TMEM44: variants seen among roughly 807,000 people sequenced by gnomAD.
The protein encoded by TMEM44 is transmembrane protein 44.
Under a neutral mutation model 47.8 loss-of-function variants are expected in TMEM44, and 43 were observed. The observed-to-expected ratio is 0.90, with a 90% CI of 0.70 to 1.16. The LOEUF (loss-of-function observed/expected upper bound fraction) is 1.16, where lower values mean the gene tolerates loss of function less well. Among genes scored for constraint, TMEM44 ranks in the 50% most tolerant of loss-of-function variants. The pLI, the probability that TMEM44 is intolerant of heterozygous loss-of-function variation, is 0.00. For synonymous variants in TMEM44, 277 were observed against 238.8 expected, an observed-to-expected ratio of 1.16 and a Z score of -1.48; for missense variants, 568 against 555.2, an observed-to-expected ratio of 1.02 and a Z score of -0.23.
chr3:194,630,724 C>G (rs1717714112), intron 1 of TMEM44, among the ~76,000 whole-genome samples: 1 of 148,184 alleles, frequency 6.7e-6, no homozygotes, highest in African/African-American at 2.5e-5. Flanking sequence ...GCTGTCGTAC[C>G]TGCCTCCCGA....
intron 7 of TMEM44, among the ~76,000 whole-genome samples, chr3:194,612,708 A>T (rs1412580072): frequency 6.6e-6 from 1 of 152,058 alleles, no homozygotes; most frequent in African/African-American, 2.4e-5. Context: ...TCTGTCGCCC[A>T]GGCTGGAGTG....
In TMEM44 at chr3:194,606,665, C is replaced by T. The variant is rs146899925; in HGVS notation, c.1018-2220G>A. 3.2e-3 allele frequency among the ~76,000 whole-genome samples: 492 copies of T among 152,262 alleles called. 2 individuals carry two copies. The highest frequency in any genetic ancestry group is 0.011 in the African/African-American group (472 of 41,544). ...ATAATAATAATAGATACAGGCCAGG[C>T]ACGGTGGCTCACACCTGTAATCCCA... On this transcript the variant is annotated intron_variant, in intron 8 of 9. Coordinates refer to ENST00000347147, the MANE Select transcript of TMEM44 (RefSeq NM_001011655.3).
chr3:194,604,226 C>T (rs1714495963), intron 9 of TMEM44, 61 bp downstream of exon 9: 4 of 1,545,904 alleles, frequency 2.6e-6, no homozygotes, highest in Non-Finnish European at 3.5e-6. Flanking sequence ...CAAGGAGCAC[C>T]CAGCAAGTGT....
chr3:194,628,709 G>C (rs1717444970), intron 1 of TMEM44, among the ~76,000 whole-genome samples, 200 bp from the exon 2 acceptor site: 1 of 152,192 alleles, frequency 6.6e-6, no homozygotes, highest in South Asian at 2.1e-4. Flanking sequence ...GCCCATGGCA[G>C]GAGCTAGACC....
intron 2 of TMEM44, among the ~76,000 whole-genome samples, chr3:194,626,832 T>C (rs942330000): frequency 4.0e-5 from 6 of 151,646 alleles, no homozygotes; most frequent in African/African-American, 1.5e-4. Flanking sequence ...TTCAGGCGCC[T>C]GCCACCACGC....
chr3:194,616,954 T>C (rs1715964075), intron 6 of TMEM44, 145 bp downstream of exon 6: 1 of 868,750 alleles, frequency 1.2e-6, no homozygotes, highest in Non-Finnish European at 1.7e-6. Flanking sequence ...TGTGTTTGCC[T>C]GCCCCAAGCT....
intron 9 of TMEM44, among the ~76,000 whole-genome samples, chr3:194,591,136 G>A (rs1344516106): frequency 6.6e-6 from 1 of 152,148 alleles, no homozygotes; most frequent in Admixed American, 6.6e-5. Context: ...AGAGGTTGCA[G>A]TGAGCTGAGA....
Position 194,610,938 on chromosome 3 carries a change from A to G in TMEM44, c.995T>C (p.Leu332Pro), listed in dbSNP as rs1364077194. Residue 332 changes from leucine (L) to proline (P), a missense_variant, in exon 8 of 10, where the codon CTG (leucine) becomes CCG (proline). Leu to Pro is a moderately conservative substitution (Grantham distance 98). Transcript: ENST00000347147. Reference protein sequence around the residue: ...TMTAISRYMELTIEPVQQAGC... With the variant: ...TMTAISRYMEPTIEPVQQAGC... ...CACCTGCTGCACAGGCTCGATGGTC[A>G]GCTCCATGTAGCGACTGATTGCTGT... 5.0e-6 allele frequency: 8 copies of G among 1,613,768 alleles called. No individual in the cohort carries two copies. Among genetic ancestry groups the G allele is most frequent in the Non-Finnish European group, 6.8e-6 (8 of 1,179,900 alleles).
intron 9 of TMEM44, among the ~76,000 whole-genome samples, chr3:194,591,261 G>A (rs1712660762): frequency 6.6e-6 from 1 of 152,022 alleles, no homozygotes; most frequent in African/African-American, 2.4e-5. Flanking sequence ...GGGAGGCTGA[G>A]GCGGGTGGAT....
intron 9 of TMEM44, 110 bp from the exon 10 acceptor site, chr3:194,588,749 C>G: frequency 1.8e-6 from 2 of 1,081,816 alleles, no homozygotes; most frequent in South Asian, 2.7e-5. Flanking sequence ...ATGATCCAGG[C>G]ACAGACAAGG....
intron 1 of TMEM44, among the ~76,000 whole-genome samples, 179 bp from the exon 2 acceptor site, chr3:194,628,688 C>T (rs766864656): frequency 1.3e-5 from 2 of 152,172 alleles, no homozygotes; most frequent in African/African-American, 4.8e-5. Context: ...TCCAGAGCCG[C>T]CTGTCCAGAT....
Position 194,588,578 on chromosome 3 carries a change from T to C in TMEM44, c.1238A>G (p.Gln413Arg). The change falls in exon 10 of 10, where the codon CAG (glutamine) becomes CGG (arginine). Residue 413 changes from glutamine to arginine, a missense_variant. Coordinates refer to ENST00000347147, the MANE Select transcript of TMEM44 (RefSeq NM_001011655.3). ...SKENVELLGS[Q>R]VHQDSVRTAH... ...TGTCCTCACAGAGTCCTGGTGCACC[T>C]GGGATCCCAGTAGCTCCACATTTTC... is the stretch of plus-strand genomic sequence containing the variant. 6.2e-7 allele frequency: 1 copy of C among 1,614,214 alleles called. No homozygotes were observed. The highest frequency in any genetic ancestry group is 8.5e-7 in the Non-Finnish European group (1 of 1,180,048).
intron 9 of TMEM44, chr3:194,589,800 A>G (rs9846532): frequency 0.49 from 73,923 of 151,864 alleles, 19,780 homozygotes; most frequent in East Asian, 0.72. Flanking sequence ...GCAAGTAGGG[A>G]TTGGGCTCCA....
At chr3:194,592,872 CA>C (rs1333617870) in intron 9 of TMEM44, among the ~76,000 whole-genome samples, 2 of 152,132 alleles carry the variant, frequency 1.3e-5, no homozygotes, top group Non-Finnish European at 2.9e-5. Flanking sequence ...CTCGGCCTCC[CA>C]AAGTGCTAGG....
At chr3:194,607,903 G>T (rs1371740106) in intron 8 of TMEM44, among the ~76,000 whole-genome samples, 1 of 152,172 alleles carries the variant, frequency 6.6e-6, no homozygotes, top group Non-Finnish European at 1.5e-5. Flanking sequence ...GGAAAAAGCT[G>T]GGTGGAAGCT....
At chr3:194,614,168 A>G (rs1180324089) in intron 7 of TMEM44, among the ~76,000 whole-genome samples, 1 of 152,058 alleles carries the variant, frequency 6.6e-6, no homozygotes, top group African/African-American at 2.4e-5. Context: ...CAAAAAAACC[A>G]CAAGGAATAG....
intron 5 of TMEM44, among the ~76,000 whole-genome samples, chr3:194,621,577 G>A (rs1044296534): frequency 4.6e-5 from 7 of 152,162 alleles, no homozygotes; most frequent in Admixed American, 1.3e-4. Flanking sequence ...CTGCTGATGA[G>A]GCCCAGGCCC....
chr3:194,626,288 T>A (rs1251429516), intron 2 of TMEM44, among the ~76,000 whole-genome samples: 1 of 152,230 alleles, frequency 6.6e-6, no homozygotes, highest in East Asian at 1.9e-4. Context: ...CGTGAGGCAG[T>A]CTCTGCTGTG....
At position 194,610,836 on chromosome 3, in the gene TMEM44, A is replaced by G. The variant is rs1282772201; in HGVS notation, c.1017+80T>C. The G allele has an allele frequency of 4.0e-6, 5 of 1,261,652 alleles. No homozygotes were observed. In the African/African-American group the frequency reaches 5.9e-5, roughly 15 times the overall value. 78.2% of individuals were successfully genotyped at this position (1,261,652 alleles called of 1,614,324 possible). On this transcript the variant is annotated intron_variant, in intron 8 of 9. Transcript: ENST00000347147. ...TTTTCTCCTGCTCATCCCTCAGCTA[A>G]AGCATCACCTCCTCCAGGAAGCCTT...
Sources: allele counts gnomAD v4.1 joint callset (sites outside exome capture counted in the v4.1 genomes callset), GRCh38; gene constraint gnomAD v4.1.1; transcripts MANE v1.5; gene names NCBI Gene and HGNC (gene_info 2026-07-23, HGNC 2026-07-21).